Variants in ATXN10 observed in about 807,000 individuals in gnomAD.
ATXN10 encodes ataxin-10.
A neutral mutation model predicts 52.9 loss-of-function variants in ATXN10; 28 were observed. The ratio of observed to expected loss-of-function variants is 0.53; its 90% CI spans 0.39 to 0.73. The LOEUF is 0.73. Among genes scored for constraint, ATXN10 ranks in the 30% least tolerant of loss-of-function variants. The pLI, the probability that ATXN10 is intolerant of heterozygous loss-of-function variation, is 0.00. For synonymous variants in ATXN10, 226 were observed against 221.5 expected, an observed-to-expected ratio of 1.02 and a Z score of -0.18; for missense variants, 565 against 577.0, an observed-to-expected ratio of 0.98 and a Z score of 0.21.
rs1926708262 is a variant in ATXN10, at chr22:45,769,673, T to A, written c.1173+29135T>A. Among the ~76,000 whole-genome samples the A allele has an allele frequency of 6.6e-6, 1 of 152,162 alleles. No homozygotes were observed. The highest frequency in any genetic ancestry group is 2.1e-4 in the South Asian group (1 of 4,824). The stretch of plus-strand genomic sequence containing the variant: ...TCAAGAAAAGAAGACCAAGGCCGAT[T>A]CCCTAGGACCTTGAAGCCAGCCTTG... On this transcript the variant is annotated intron_variant, in intron 9 of 11. Coordinates refer to ENST00000252934, the MANE Select transcript of ATXN10 (RefSeq NM_013236.4). This position sits in a 1 kb window ranked among gnomAD's most constrained non-coding sequence, Gnocchi z 4.2.
At chr22:45,804,943 A>C (rs1323051315) in intron 9 of ATXN10, among the ~76,000 whole-genome samples, 1 of 152,184 alleles carries the variant, frequency 6.6e-6, no homozygotes, top group Non-Finnish European at 1.5e-5. Flanking sequence ...GGCTATTAAC[A>C]TGTTGTAATC....
chr22:45,689,503 A>G (rs1923282426), intron 1 of ATXN10: 2 of 594,874 alleles, frequency 3.4e-6, no homozygotes, highest in South Asian at 2.0e-5. Flanking sequence ...AGACTGAGAT[A>G]ATACATGAGA....
At chr22:45,778,128 A>T (rs1927024312) in intron 9 of ATXN10, among the ~76,000 whole-genome samples, 1 of 152,176 alleles carries the variant, frequency 6.6e-6, no homozygotes, top group South Asian at 2.1e-4. Flanking sequence ...TTACAGAAAA[A>T]GTTTGCTGGC....
At position 45,767,858 on chromosome 22, in the gene ATXN10, T is replaced by A. The variant is rs1926641891; in HGVS notation, c.1173+27320T>A. On this transcript the variant is annotated intron_variant, in intron 9 of 11. Coordinates refer to ENST00000252934, the MANE Select transcript of ATXN10 (RefSeq NM_013236.4). ...CACAGAGAAATTATAAACTGCATTC[T>A]GTTAGTAGCAACGTTGGTATTGTTA... 2.0e-5 allele frequency among the ~76,000 whole-genome samples: 3 copies of A among 152,222 alleles called. No homozygotes were observed. The South Asian group carries it at 6.2e-4, about 32-fold the overall frequency.
intron 10 of ATXN10, among the ~76,000 whole-genome samples, chr22:45,815,985 C>T (rs1928446940): frequency 1.3e-5 from 2 of 152,146 alleles, no homozygotes; most frequent in Non-Finnish European, 2.9e-5. Context: ...CGCGGTGGCT[C>T]CTGCCTGTAA....
rs1601583534 is a variant in ATXN10 at position 45,677,452 on chromosome 22, C to A, written c.116+5273C>A. ...ATTTTTTCTCTTCAATCTGCTTAGA[C>A]AAAATGAGGTTTTCGTTGGTGTTTA... On this transcript the variant is annotated intron_variant, in intron 1 of 11. Transcript: ENST00000252934. The surrounding 1 kb of genome is among the most constrained non-coding windows in gnomAD (Gnocchi z 4.1). 1 of 141,256 alleles carries A rather than the reference C, an allele frequency of 7.1e-6. No individual in the cohort carries two copies. The allele number at this position is 141,256 out of a possible 1,614,324, so 8.8% of individuals were successfully genotyped here.
Position 45,837,068 on chromosome 22 carries a change from GAGTTTTAAAAT to G in ATXN10, c.1238-5921_1238-5911del, listed in dbSNP as rs1428608579. Among the ~76,000 whole-genome samples the G allele has an allele frequency of 6.6e-6, 1 of 152,080 alleles. No homozygotes were observed. Among genetic ancestry groups the G allele is most frequent in the Non-Finnish European group, 1.5e-5 (1 of 68,024 alleles). The stretch of plus-strand genomic sequence containing the variant: ...CCTTCATGGGTTTGTTATCTAAAAA[GAGTTTTAAAAT>G]ATATGTCCTGGATGCGAAAACAATG... On this transcript the variant is annotated intron_variant, in intron 10 of 11. Transcript: ENST00000252934. The surrounding 1 kb of genome is among the most constrained non-coding windows in gnomAD (Gnocchi z 5.8).
At chr22:45,749,031 A>G (rs946276275) in intron 9 of ATXN10, among the ~76,000 whole-genome samples, 1 of 152,220 alleles carries the variant, frequency 6.6e-6, no homozygotes, top group Admixed American at 6.5e-5. Context: ...AACATTATTT[A>G]AAAAGAAGAA....
Position 45,844,049 on chromosome 22 carries a change from A to G in ATXN10, c.*378A>G, listed in dbSNP as rs75247146. The G allele has an allele frequency of 3.3e-3, 785 of 234,722 alleles. 5 individuals are homozygous for G. Among genetic ancestry groups the G allele is most frequent in the African/African-American group, 0.017 (748 of 44,030 alleles). 14.5% of individuals were successfully genotyped at this position (234,722 alleles called of 1,614,324 possible). On this transcript the variant is annotated 3_prime_UTR_variant, in exon 12 of 12. Coordinates refer to ENST00000252934, the MANE Select transcript of ATXN10 (RefSeq NM_013236.4). ...AGATGGCAAGTCAGCATCATTCTTT[A>G]TATTCCTCTTCTCATTGGGTTTTCT...
At chr22:45,734,366 A>C (rs1925205504) in intron 7 of ATXN10, 2 of 273,088 alleles carry the variant, frequency 7.3e-6, no homozygotes, top group Non-Finnish European at 1.6e-5. Context: ...TGCATTTATT[A>C]AAAAGCATTT....
rs1364079658 is a variant in ATXN10, at chr22:45,750,953, C to T, written c.1173+10415C>T. 6.6e-6 allele frequency among the ~76,000 whole-genome samples: 1 copy of T among 150,832 alleles called. No homozygotes were observed. Among genetic ancestry groups the T allele is most frequent in the African/African-American group, 2.4e-5 (1 of 41,062 alleles). On this transcript the variant is annotated intron_variant, in intron 9 of 11. Transcript: ENST00000252934. The surrounding 1 kb of genome is among the most constrained non-coding windows in gnomAD (Gnocchi z 4.2). The stretch of plus-strand genomic sequence containing the variant: ...TCTACTTTCCTGTTTTTTTTTGAGA[C>T]AGAGTCTTGCTTTGTTGCCCAGGCT...
chr22:45,783,698 C>G lies in ATXN10; in HGVS notation c.1174-23261C>G, dbSNP rs979333466. Among the ~76,000 whole-genome samples the G allele has an allele frequency of 6.6e-6, 1 of 152,136 alleles. No homozygotes were observed. The highest frequency in any genetic ancestry group is 2.4e-5 in the African/African-American group (1 of 41,426). ...ACCTGTTTCTGATTTACCTTTTAGT[C>G]CCCAATACAAGGTCTATCACAAAGT... is the stretch of plus-strand genomic sequence containing the variant. On this transcript the variant is annotated intron_variant, in intron 9 of 11. Coordinates refer to ENST00000252934, the MANE Select transcript of ATXN10 (RefSeq NM_013236.4). The surrounding 1 kb of genome is among the most constrained non-coding windows in gnomAD (Gnocchi z 5.0).
rs1383037196 is a variant in ATXN10 at position 45,795,898 on chromosome 22, TA to T, written c.1174-11060del. On this transcript the variant is annotated intron_variant, in intron 9 of 11. Coordinates refer to ENST00000252934, the MANE Select transcript of ATXN10 (RefSeq NM_013236.4). The surrounding 1 kb of genome is among the most constrained non-coding windows in gnomAD (Gnocchi z 4.6). The stretch of plus-strand genomic sequence containing the variant: ...CCTCAGGATCCCGTGATGATCACGT[TA>T]TCTGCACAAATTGTTTGTAAAGCAT... Among the ~76,000 whole-genome samples the T allele has an allele frequency of 6.6e-6, 1 of 152,246 alleles. No individual in the cohort carries two copies. Among genetic ancestry groups the T allele is most frequent in the Non-Finnish European group, 1.5e-5 (1 of 68,034 alleles).
Position 45,828,571 on chromosome 22 carries a change from AC to A in ATXN10, c.1238-14419del, listed in dbSNP as rs1170656868. ...CAGAAATGAAAGTGGGGACATTACT[AC>A]TGATTCTACAGAAATAAAAAGGGTT... On this transcript the variant is annotated intron_variant, in intron 10 of 11. Coordinates refer to ENST00000252934, the MANE Select transcript of ATXN10 (RefSeq NM_013236.4). This position sits in a 1 kb window ranked among gnomAD's most constrained non-coding sequence, Gnocchi z 4.5. 3.3e-5 allele frequency among the ~76,000 whole-genome samples: 5 copies of A among 152,318 alleles called. No individual in the cohort carries two copies. The highest frequency in any genetic ancestry group is 1.2e-4 in the African/African-American group (5 of 41,580).
At chr22:45,706,108 C>T (rs1436619649) in intron 5 of ATXN10, among the ~76,000 whole-genome samples, 1 of 152,198 alleles carries the variant, frequency 6.6e-6, no homozygotes, top group African/African-American at 2.4e-5. Flanking sequence ...CCCCCCACCC[C>T]TGTCTATGGA....
At chr22:45,700,407 C>G (rs373098146) in intron 4 of ATXN10, 29 bp downstream of exon 4, 21 of 1,539,102 alleles carry the variant, frequency 1.4e-5, no homozygotes, top group Non-Finnish European at 4.5e-6. Context: ...ATTTTTCTAA[C>G]TTGTGAGAAG....
chr22:45,705,974 CT>C lies in ATXN10; in HGVS notation c.647+3129del, dbSNP rs1173857723. ...CAGATCATCAGCCACATTCGATTCT[CT>C]TAGGAGCACAAACCCTGTTGTGAAC... On this transcript the variant is annotated intron_variant, in intron 5 of 11. Transcript: ENST00000252934. The surrounding 1 kb of genome is among the most constrained non-coding windows in gnomAD (Gnocchi z 5.2). Among the ~76,000 whole-genome samples the C allele has an allele frequency of 1.3e-5, 2 of 152,184 alleles. No individual in the cohort carries two copies. Among genetic ancestry groups the C allele is most frequent in the African/African-American group, 4.8e-5 (2 of 41,438 alleles).
intron 1 of ATXN10, among the ~76,000 whole-genome samples, chr22:45,685,395 T>G (rs926332285): frequency 6.6e-6 from 1 of 152,232 alleles, no homozygotes; most frequent in Non-Finnish European, 1.5e-5. Flanking sequence ...GGTTGAATTT[T>G]AATTGTCCTT....
intron 9 of ATXN10, among the ~76,000 whole-genome samples, chr22:45,779,589 T>C (rs1396283125): frequency 6.6e-6 from 1 of 152,220 alleles, no homozygotes; most frequent in African/African-American, 2.4e-5. Context: ...TAGGCATCTT[T>C]GTCATTTTTA....
Sources: allele counts gnomAD v4.1 joint callset (sites outside exome capture counted in the v4.1 genomes callset), GRCh38; gene constraint gnomAD v4.1.1; non-coding constraint Gnocchi (gnomAD v3.1); transcripts MANE v1.5; gene names NCBI Gene and HGNC (gene_info 2026-07-23, HGNC 2026-07-21).